The following ARHGAP15 variants were observed in gnomAD, a reference collection of about 807,000 sequenced individuals.
ARHGAP15 encodes the protein rho GTPase-activating protein 15.
ARHGAP15 carries 51 observed loss-of-function variants against 63.7 expected under a neutral mutation model. That is an observed-to-expected ratio of 0.80 (90% CI 0.64 to 1.01). ARHGAP15 has a LOEUF of 1.01. Ranked by LOEUF, ARHGAP15 falls within the 50% of genes least tolerant of loss-of-function variation. ARHGAP15 has a pLI of 0.00. For synonymous variants in ARHGAP15, 191 were observed against 193.8 expected (o/e 0.99, Z 0.12); for missense variants, 560 against 564.6 (o/e 0.99, Z 0.08).
chr2:143,499,847 A>G (rs2104930140), intron 9 of ARHGAP15, among the ~76,000 whole-genome samples: 1 of 152,204 alleles, frequency 6.6e-6, no homozygotes, highest in African/African-American at 2.4e-5. Context: ...TCCTAAGAAC[A>G]ATTATTATTA....
At chr2:143,642,827 T>C (rs1470539229) in intron 12 of ARHGAP15, among the ~76,000 whole-genome samples, 1 of 152,138 alleles carries the variant, frequency 6.6e-6, no homozygotes, top group Non-Finnish European at 1.5e-5. Context: ...AGCCAAGCAC[T>C]GACTCCAGCC....
At chr2:143,330,111 AAAAAAAAAAAAAAAAAAAAACC>A (rs1574285715) in intron 6 of ARHGAP15, among the ~76,000 whole-genome samples, 10 of 85,980 alleles carry the variant, frequency 1.2e-4, no homozygotes, top group East Asian at 6.9e-4. Context: ...AAAAAAAAAA[AAAAAAAAAAAAAAAAAAAAACC>A]AAAAACAAAA....
chr2:143,143,495 A>G (rs528041192), intron 1 of ARHGAP15, among the ~76,000 whole-genome samples: 1 of 152,008 alleles, frequency 6.6e-6, no homozygotes, highest in East Asian at 1.9e-4. Flanking sequence ...GCCTGAGGAT[A>G]CATAATTTTG....
chr2:143,565,562 C>T (rs1696187523), intron 11 of ARHGAP15, among the ~76,000 whole-genome samples: 1 of 152,126 alleles, frequency 6.6e-6, no homozygotes, highest in South Asian at 2.1e-4. Flanking sequence ...AAAGAAAACT[C>T]AAGCTATATT....
chr2:143,428,041 A>G (rs1199473662), intron 6 of ARHGAP15, among the ~76,000 whole-genome samples: 1 of 152,106 alleles, frequency 6.6e-6, no homozygotes, highest in East Asian at 1.9e-4. Flanking sequence ...TTATTATAGC[A>G]TAGTGGGGGG....
At chr2:143,745,914 A>G (rs770434308) in intron 13 of ARHGAP15, among the ~76,000 whole-genome samples, 1 of 152,198 alleles carries the variant, frequency 6.6e-6, no homozygotes, top group Non-Finnish European at 1.5e-5. Context: ...CAGAAGAGAA[A>G]AATCAGGCTT....
intron 6 of ARHGAP15, among the ~76,000 whole-genome samples, chr2:143,405,195 A>G (rs1247835975): frequency 1.3e-5 from 2 of 151,938 alleles, no homozygotes; most frequent in Non-Finnish European, 2.9e-5. Flanking sequence ...TTTATGAAGT[A>G]TATTAAGTAA....
chr2:143,624,377 C>T, intron 12 of ARHGAP15, 110 bp downstream of exon 12: 1 of 1,246,398 alleles, frequency 8.0e-7, no homozygotes, highest in Non-Finnish European at 1.1e-6. Flanking sequence ...AGATAGTATC[C>T]CCGATGCTCC....
intron 11 of ARHGAP15, chr2:143,571,785 G>A (rs1696468007): frequency 6.6e-6 from 1 of 152,172 alleles, no homozygotes; most frequent in South Asian, 2.1e-4. Flanking sequence ...GCAGCCATAA[G>A]GGGTTCACTC....
chr2:143,219,380 C>T (rs1175492581), intron 4 of ARHGAP15, among the ~76,000 whole-genome samples: 8 of 152,190 alleles, frequency 5.3e-5, no homozygotes, highest in Non-Finnish European at 7.3e-5. Flanking sequence ...GTGACACAAT[C>T]ACCTAACGAC....
intron 12 of ARHGAP15, among the ~76,000 whole-genome samples, chr2:143,640,098 G>C (rs1214892805): frequency 6.6e-6 from 1 of 152,058 alleles, no homozygotes; most frequent in African/African-American, 2.4e-5. Flanking sequence ...ACAGACCAAC[G>C]AAAATATCGT....
At chr2:143,358,106 C>CA (rs1416862806) in intron 6 of ARHGAP15, among the ~76,000 whole-genome samples, 5 of 152,222 alleles carry the variant, frequency 3.3e-5, no homozygotes, top group Admixed American at 3.3e-4. Context: ...GGCTGCAGAA[C>CA]AGTGCCCTGG....
chr2:143,440,814 C>T (rs1250250434), intron 8 of ARHGAP15, among the ~76,000 whole-genome samples: 1 of 152,096 alleles, frequency 6.6e-6, no homozygotes, highest in South Asian at 2.1e-4. Flanking sequence ...AGTAGGAGAG[C>T]AGCTCTCCAG....
At chr2:143,294,123 G>A (rs1353715131) in intron 6 of ARHGAP15, among the ~76,000 whole-genome samples, 1 of 151,930 alleles carries the variant, frequency 6.6e-6, no homozygotes, top group Non-Finnish European at 1.5e-5. Context: ...GCACCTTAAA[G>A]ATTCTAAGAC....
intron 6 of ARHGAP15, among the ~76,000 whole-genome samples, chr2:143,287,249 TA>T (rs998574602): frequency 1.1e-3 from 167 of 152,314 alleles, no homozygotes; most frequent in African/African-American, 3.9e-3. Flanking sequence ...CTTTTGACTT[TA>T]ATGAAATGTG....
chr2:143,447,402 A>T (rs1690191688), intron 8 of ARHGAP15, among the ~76,000 whole-genome samples: 1 of 152,212 alleles, frequency 6.6e-6, no homozygotes, highest in South Asian at 2.1e-4. Flanking sequence ...ATATTGAGCC[A>T]CTTATAAGGA....
chr2:143,249,054 A>G (rs1679995634), intron 5 of ARHGAP15, among the ~76,000 whole-genome samples: 1 of 152,176 alleles, frequency 6.6e-6, no homozygotes, highest in Non-Finnish European at 1.5e-5. Flanking sequence ...AAAGACTATC[A>G]TTATCATGCT....
chr2:143,536,118 G>A (rs891740524), intron 10 of ARHGAP15, among the ~76,000 whole-genome samples: 1 of 152,086 alleles, frequency 6.6e-6, no homozygotes, highest in African/African-American at 2.4e-5. Context: ...TAGTCGTCTT[G>A]CTATCCAATA....
intron 6 of ARHGAP15, among the ~76,000 whole-genome samples, chr2:143,294,049 TA>T (rs1375736723): frequency 1.3e-5 from 2 of 152,100 alleles, no homozygotes; most frequent in Non-Finnish European, 2.9e-5. Context: ...GTATTTGTCA[TA>T]ATGATAAATG....
Sources: gnomAD v4.1 joint callset for allele counts (sites outside exome capture counted in the v4.1 genomes callset) on GRCh38, gnomAD v4.1.1 for gene constraint, MANE v1.5 for transcripts, NCBI Gene and HGNC (gene_info 2026-07-23, HGNC 2026-07-21) for gene names.